Variants in TMEM178B observed in about 807,000 individuals in gnomAD.
TMEM178B encodes the protein transmembrane protein 178B.
Under a neutral mutation model 31.0 loss-of-function variants are expected in TMEM178B, and 5 were observed. That is an observed-to-expected ratio of 0.16 (90% CI 0.08 to 0.34). The LOEUF is 0.34. TMEM178B is among the 10% of genes least tolerant of loss of function. TMEM178B has a pLI of 1.00. For missense variants in TMEM178B, 275 were observed against 400.3 expected, an observed-to-expected ratio of 0.69 and a Z score of 2.67; for synonymous variants, 164 against 164.0, an observed-to-expected ratio of 1.00 and a Z score of 0.00.
intron 1 of TMEM178B, among the ~76,000 whole-genome samples, chr7:141,153,021 A>G (rs749494055): frequency 2.0e-5 from 3 of 152,246 alleles, no homozygotes; most frequent in Non-Finnish European, 2.9e-5. Flanking sequence ...CATGGCTGAT[A>G]AATCGTGGAA....
intron 1 of TMEM178B, among the ~76,000 whole-genome samples, chr7:141,085,150 A>ATTTTTTTTT (rs61516388): frequency 1.3e-5 from 1 of 74,540 alleles, no homozygotes. Flanking sequence ...GCTAATTTGT[A>ATTTTTTTTT]TTTTTTTTTT....
At chr7:141,086,896 C>T (rs979020898) in intron 1 of TMEM178B, among the ~76,000 whole-genome samples, 18 of 152,032 alleles carry the variant, frequency 1.2e-4, no homozygotes, top group African/African-American at 3.4e-4. Context: ...CCATGTTGGC[C>T]GGGCTCTTAT....
chr7:141,080,526 A>G (rs1448969180), intron 1 of TMEM178B, among the ~76,000 whole-genome samples: 1 of 152,246 alleles, frequency 6.6e-6, no homozygotes, highest in Non-Finnish European at 1.5e-5. Context: ...AGGCTGAGGC[A>G]GGAGAATGGC....
At chr7:141,162,923 G>A (rs747321536) in intron 1 of TMEM178B, among the ~76,000 whole-genome samples, 1 of 152,190 alleles carries the variant, frequency 6.6e-6, no homozygotes, top group Non-Finnish European at 1.5e-5. Flanking sequence ...CCTGTAGAAC[G>A]TTTTATGGCA....
At chr7:141,149,154 G>T (rs924346620) in intron 1 of TMEM178B, among the ~76,000 whole-genome samples, 5 of 152,202 alleles carry the variant, frequency 3.3e-5, no homozygotes, top group Non-Finnish European at 7.3e-5. Context: ...AGAGAAGACT[G>T]CAGTAAGAGA....
At chr7:141,347,023 GCTCT>G in intron 2 of TMEM178B, among the ~76,000 whole-genome samples, 1 of 152,022 alleles carries the variant, frequency 6.6e-6, no homozygotes, top group East Asian at 1.9e-4. Context: ...CCTCCCCCTT[GCTCT>G]CTCTCTCCTG....
At chr7:141,240,057 G>A (rs920824254) in intron 2 of TMEM178B, among the ~76,000 whole-genome samples, 41 of 151,964 alleles carry the variant, frequency 2.7e-4, no homozygotes, top group African/African-American at 9.9e-4. Flanking sequence ...ATTTTAATTC[G>A]ATTTAATTAT....
intron 2 of TMEM178B, among the ~76,000 whole-genome samples, chr7:141,275,163 A>T (rs556576068): frequency 6.6e-6 from 1 of 152,318 alleles, no homozygotes; most frequent in African/African-American, 2.4e-5. Context: ...CTGATGAAGG[A>T]TTTGTATTCA....
At chr7:141,297,035 G>A (rs915824355) in intron 2 of TMEM178B, 4 of 152,094 alleles carry the variant, frequency 2.6e-5, no homozygotes, top group Non-Finnish European at 5.9e-5. Flanking sequence ...ACATCCCTAG[G>A]GAAGTTGAGA....
chr7:141,155,763 A>C (rs1386501282), intron 1 of TMEM178B, among the ~76,000 whole-genome samples: 1 of 152,134 alleles, frequency 6.6e-6, no homozygotes, highest in South Asian at 2.1e-4. Context: ...TCCTGGCATC[A>C]GGCATCTTAA....
intron 1 of TMEM178B, among the ~76,000 whole-genome samples, chr7:141,138,093 G>A (rs1412407031): frequency 5.5e-5 from 8 of 145,680 alleles, no homozygotes; most frequent in African/African-American, 1.0e-4. Context: ...ACAGAGTCTC[G>A]CTCAGTCGCC....
At chr7:141,466,053 CT>C (rs1802143714) in intron 3 of TMEM178B, among the ~76,000 whole-genome samples, 1 of 152,084 alleles carries the variant, frequency 6.6e-6, no homozygotes, top group Non-Finnish European at 1.5e-5. Context: ...CATATAAATC[CT>C]TGCTCATAAC....
the TMEM178B span, among the ~76,000 whole-genome samples, chr7:141,510,066 C>T: frequency 6.6e-6 from 1 of 152,166 alleles, no homozygotes; most frequent in Non-Finnish European, 1.5e-5. Context: ...CAAATAGACT[C>T]AACTTCTTAA....
intron 1 of TMEM178B, among the ~76,000 whole-genome samples, chr7:141,123,548 T>A (rs539892644): frequency 2.0e-5 from 3 of 152,072 alleles, no homozygotes; most frequent in Middle Eastern, 3.4e-3. Context: ...GGACATGGAG[T>A]CTAATTCCAG....
rs761698231 is a variant in TMEM178B, at chr7:141,171,678, C to A, written c.383-40913C>A. Among the ~76,000 whole-genome samples the A allele has an allele frequency of 2.6e-5, 4 of 152,162 alleles. No homozygotes were observed. Among genetic ancestry groups the A allele is most frequent in the African/African-American group, 9.7e-5 (4 of 41,444 alleles). On this transcript the variant is annotated intron_variant, in intron 1 of 3. Coordinates refer to ENST00000565468, the MANE Select transcript of TMEM178B (RefSeq NM_001195278.2). The surrounding 1 kb of genome is among the most constrained non-coding windows in gnomAD (Gnocchi z 4.3). ...AGAGGGGATGGCTGTGGTGTCACAG[C>A]AGAGAGCCAGCAGACAAAGACAGTG...
chr7:141,285,451 C>T (rs1479313899), intron 2 of TMEM178B, among the ~76,000 whole-genome samples: 1 of 151,954 alleles, frequency 6.6e-6, no homozygotes, highest in Non-Finnish European at 1.5e-5. Context: ...AGCCACTGCG[C>T]CTGGCCAATT....
At chr7:141,241,989 T>G (rs1300953434) in intron 2 of TMEM178B, among the ~76,000 whole-genome samples, 1 of 152,220 alleles carries the variant, frequency 6.6e-6, no homozygotes, top group Non-Finnish European at 1.5e-5. Flanking sequence ...TCAGAAATAC[T>G]TGATCTATAG....
chr7:141,464,548 A>G (rs1802117981), intron 3 of TMEM178B, among the ~76,000 whole-genome samples: 1 of 152,110 alleles, frequency 6.6e-6, no homozygotes. Context: ...AAAGCTTTTT[A>G]TTTTAGATTC....
chr7:141,193,047 A>G (rs754762840), intron 1 of TMEM178B, among the ~76,000 whole-genome samples: 15 of 152,164 alleles, frequency 9.9e-5, no homozygotes, highest in Non-Finnish European at 4.4e-5. Flanking sequence ...CACTCTGGCC[A>G]TGGTCTCTGC....
Sources: allele counts gnomAD v4.1 joint callset (sites outside exome capture counted in the v4.1 genomes callset), GRCh38; gene constraint gnomAD v4.1.1; non-coding constraint Gnocchi (gnomAD v3.1); transcripts MANE v1.5; gene names NCBI Gene and HGNC (gene_info 2026-07-23, HGNC 2026-07-21).